Variants in MAST4 observed in about 807,000 individuals in gnomAD.
MAST4 encodes the protein microtubule associated serine/threonine kinase family member 4, also known as microtubule-associated serine/threonine-protein kinase 4.
MAST4 carries 89 observed loss-of-function variants against 162.7 expected under a neutral mutation model. The observed-to-expected ratio is 0.55, with a 90% confidence interval of 0.46 to 0.65. The LOEUF is 0.65. MAST4 is among the 30% of genes least tolerant of loss of function. The pLI, the probability that MAST4 is intolerant of heterozygous loss-of-function variation, is 0.00. For synonymous variants in MAST4, 1,479 were observed against 1,361.1 expected (o/e 1.09, Z -1.91); for missense variants, 3,153 against 3,374.0 (o/e 0.93, Z 1.62).
intron 3 of MAST4, among the ~76,000 whole-genome samples, chr5:66,867,573 C>T (rs544072550): frequency 2.0e-5 from 3 of 152,204 alleles, no homozygotes; most frequent in Non-Finnish European, 4.4e-5. Flanking sequence ...TCATTATGCA[C>T]ATGTCAACTC....
At chr5:66,751,633 A>G in intron 1 of MAST4, among the ~76,000 whole-genome samples, 1 of 150,904 alleles carries the variant, frequency 6.6e-6, no homozygotes, top group Non-Finnish European at 1.5e-5. Context: ...TCCAAGAAAT[A>G]TGGGACTATG....
At chr5:66,754,379 G>A (rs979288926) in intron 1 of MAST4, among the ~76,000 whole-genome samples, 14 of 152,242 alleles carry the variant, frequency 9.2e-5, no homozygotes, top group African/African-American at 3.1e-4. Context: ...TCTTTCAAAT[G>A]ATGTGGTTTG....
intron 3 of MAST4, among the ~76,000 whole-genome samples, chr5:66,857,057 C>A (rs552307604): frequency 6.6e-6 from 1 of 152,200 alleles, no homozygotes; most frequent in South Asian, 2.1e-4. Context: ...CCGAAAACCC[C>A]TCCTCAGTCT....
At chr5:66,732,766 A>G (rs1483181888) in intron 1 of MAST4, among the ~76,000 whole-genome samples, 2 of 152,158 alleles carry the variant, frequency 1.3e-5, no homozygotes, top group African/African-American at 2.4e-5. Flanking sequence ...ATTCTACCTC[A>G]TGAGGAAAAT....
At chr5:66,748,405 TTTCCTTCCTCCC>T (rs1752902184) in intron 1 of MAST4, among the ~76,000 whole-genome samples, 1 of 11,238 alleles carries the variant, frequency 8.9e-5, no homozygotes, top group African/African-American at 3.4e-4. Flanking sequence ...TCCTTCCTTC[TTTCCTTCCTCCC>T]TTCCTTCCTC....
At chr5:66,988,236 G>A (rs73766119) in intron 4 of MAST4, among the ~76,000 whole-genome samples, 1,788 of 152,270 alleles carry the variant, frequency 0.012, 37 homozygotes, top group African/African-American at 0.041. Flanking sequence ...CCTTTAATCT[G>A]AAGGGGGTTA....
chr5:66,839,450 G>A (rs536864463), intron 3 of MAST4, among the ~76,000 whole-genome samples: 21 of 152,244 alleles, frequency 1.4e-4, no homozygotes, highest in African/African-American at 4.6e-4. Context: ...CTGTTAGAAT[G>A]GTTTTCCAGA....
At chr5:66,676,816 G>A (rs1049230497) in intron 1 of MAST4, among the ~76,000 whole-genome samples, 10 of 152,186 alleles carry the variant, frequency 6.6e-5, no homozygotes, top group African/African-American at 2.2e-4. Context: ...AAATTCTAAA[G>A]GTAATTGCTA....
chr5:66,986,570 T>A (rs945914249), intron 4 of MAST4: 5 of 674,158 alleles, frequency 7.4e-6, no homozygotes, highest in African/African-American at 5.9e-5. Context: ...CATATAGACA[T>A]ATATATATTA....
chr5:67,168,897 AAAAC>A lies in MAST4; in HGVS notation c.*1854_*1857del, dbSNP rs1311749485. ...TGAATTGGCTTTGGGAAAAAGGAAA[AAAAC>A]AAACAAAAAAAGAAAAAGAAAAAAG... On this transcript the variant is annotated 3_prime_UTR_variant, in exon 29 of 29. Transcript: ENST00000403625. 2 of 152,318 alleles carry A rather than the reference AAAAC, an allele frequency of 1.3e-5. No homozygotes were observed. Among genetic ancestry groups the A allele is most frequent in the Admixed American group, 6.5e-5 (1 of 15,290 alleles). The allele number at this position is 152,318 out of a possible 1,614,324, so 9.4% of individuals were successfully genotyped here. A position where few individuals can be genotyped will look rare whatever the true frequency, so the allele number is the denominator to read the frequency against.
intron 1 of MAST4, among the ~76,000 whole-genome samples, chr5:66,744,313 A>G (rs33716): frequency 0.24 from 36,953 of 152,020 alleles, 5,667 homozygotes; most frequent in African/African-American, 0.43. Context: ...TCTTAAGAAC[A>G]TTTATTTTGC....
chr5:66,886,232 T>G (rs575394173), intron 3 of MAST4, among the ~76,000 whole-genome samples: 46 of 152,330 alleles, frequency 3.0e-4, no homozygotes, highest in African/African-American at 1.1e-3. Flanking sequence ...AGGACTTTTG[T>G]TTTTAGATTC....
chr5:66,814,819 TA>T (rs1299762641), intron 3 of MAST4, among the ~76,000 whole-genome samples: 1 of 149,456 alleles, frequency 6.7e-6, no homozygotes, highest in Non-Finnish European at 1.5e-5. Flanking sequence ...TTGTTGAAAT[TA>T]AAAAGCTTTA....
intron 1 of MAST4, among the ~76,000 whole-genome samples, chr5:66,691,362 C>T (rs550022627): frequency 3.4e-4 from 51 of 152,014 alleles, no homozygotes; most frequent in Admixed American, 2.4e-3. Flanking sequence ...TTTTTGCCAA[C>T]GCCAAAGAAA....
chr5:66,976,574 T>C (rs1033474336), intron 4 of MAST4, among the ~76,000 whole-genome samples: 1 of 152,246 alleles, frequency 6.6e-6, no homozygotes. Context: ...GCTCTCCCTC[T>C]GCCCACAACT....
At chr5:66,828,184 G>C (rs1403914847) in intron 3 of MAST4, among the ~76,000 whole-genome samples, 1 of 152,184 alleles carries the variant, frequency 6.6e-6, no homozygotes, top group Admixed American at 6.5e-5. Context: ...CTGAAGGGCA[G>C]GTATTTATGT....
At chr5:67,074,739 T>G (rs1047211204) in intron 5 of MAST4, among the ~76,000 whole-genome samples, 1 of 152,250 alleles carries the variant, frequency 6.6e-6, no homozygotes, top group African/African-American at 2.4e-5. Context: ...TGTATATACG[T>G]GTATACACTG....
chr5:66,971,937 T>C (rs1747486896), intron 4 of MAST4, among the ~76,000 whole-genome samples: 2 of 152,180 alleles, frequency 1.3e-5, no homozygotes, highest in South Asian at 4.1e-4. Flanking sequence ...TTGGAGAGCA[T>C]AAGATGGTGA....
At chr5:66,845,612 T>A (rs1758799727) in intron 3 of MAST4, among the ~76,000 whole-genome samples, 1 of 152,170 alleles carries the variant, frequency 6.6e-6, no homozygotes, top group Non-Finnish European at 1.5e-5. Context: ...TGATTTATAA[T>A]CCTTTGGGTA....
Sources: allele counts gnomAD v4.1 joint callset (sites outside exome capture counted in the v4.1 genomes callset), GRCh38; gene constraint gnomAD v4.1.1; transcripts MANE v1.5; gene names NCBI Gene and HGNC (gene_info 2026-07-23, HGNC 2026-07-21).